UBA6: variants seen among roughly 807,000 people sequenced by gnomAD.
UBA6 encodes the protein ubiquitin like modifier activating enzyme 6, also known as ubiquitin-like modifier-activating enzyme 6.
A neutral mutation model predicts 148.3 loss-of-function variants in UBA6; 87 were observed. The observed-to-expected ratio is 0.59, with a 90% CI of 0.49 to 0.70. The LOEUF (loss-of-function observed/expected upper bound fraction) is 0.70. Among genes scored for constraint, UBA6 ranks in the 30% least tolerant of loss-of-function variants. The probability of loss-of-function intolerance (pLI) is 0.00; values close to 1 mark genes in which losing one functional copy is unlikely to be tolerated. For synonymous variants in UBA6, 376 were observed against 401.0 expected (o/e 0.94, Z 0.75); for missense variants, 1,186 against 1,241.2 (o/e 0.96, Z 0.67).
intron 13 of UBA6, among the ~76,000 whole-genome samples, chr4:67,649,537 T>G (rs558377058): frequency 6.6e-6 from 1 of 152,322 alleles, no homozygotes; most frequent in Admixed American, 6.5e-5. Context: ...CAGACATATT[T>G]ACAAATAAAC....
Position 67,630,254 on chromosome 4 carries a change from A to T in UBA6, c.2328+212T>A, listed in dbSNP as rs534971029. On this transcript the variant is annotated intron_variant, in intron 26 of 32. Transcript: ENST00000322244. The stretch of plus-strand genomic sequence containing the variant: ...ACAAATAATGCTGTTTCACTGCTTC[A>T]ATTCAGAAGGAAAAATCCGACTTCT... Among the ~76,000 whole-genome samples, 10 of 152,266 alleles carry T rather than the reference A, an allele frequency of 6.6e-5. 1 individual carries two copies. The South Asian group carries it at 1.9e-3, about 28-fold the overall frequency.
chr4:67,638,340 AGAAG>A (rs1255125531), intron 19 of UBA6: 2 of 157,042 alleles, frequency 1.3e-5, no homozygotes, highest in African/African-American at 2.4e-5. Context: ...AGGGAAAACG[AGAAG>A]GAAGAACCTA....
chr4:67,668,476 G>C, intron 9 of UBA6, 75 bp downstream of exon 9: 1 of 1,390,178 alleles, frequency 7.2e-7, no homozygotes, highest in South Asian at 1.3e-5. Context: ...TTGACATTCT[G>C]TTCCCAACAC....
intron 28 of UBA6, 44 bp downstream of exon 28, chr4:67,626,316 A>C (rs1180861587): frequency 8.3e-7 from 1 of 1,211,184 alleles, no homozygotes; most frequent in Non-Finnish European, 1.2e-6. Context: ...GTGAAAATAA[A>C]AACTCATCCA....
In UBA6 at chr4:67,618,079, T is replaced by C. The variant is rs1258477390; in HGVS notation, c.*918A>G. Reference sequence around the variant, plus strand: ...CACAAAATTTAATACCCTAATTAGGTTTCTGGAAAAAAAAAAGACTACCCT... The same window carrying C: ...CACAAAATTTAATACCCTAATTAGGCTTCTGGAAAAAAAAAAGACTACCCT... On this transcript the variant is annotated 3_prime_UTR_variant, in exon 33 of 33. Coordinates refer to ENST00000322244, the MANE Select transcript of UBA6 (RefSeq NM_018227.6). The C allele has an allele frequency of 6.8e-6, 1 of 146,014 alleles. No homozygotes were observed. The highest frequency in any genetic ancestry group is 2.5e-5 in the African/African-American group (1 of 40,058). The allele number at this position is 146,014 out of a possible 1,614,324, so 9.0% of individuals were successfully genotyped here. A position where few individuals can be genotyped will look rare whatever the true frequency, so the allele number is the denominator to read the frequency against.
intron 17 of UBA6, among the ~76,000 whole-genome samples, chr4:67,642,540 A>T (rs1220439108): frequency 6.6e-6 from 1 of 152,070 alleles, no homozygotes; most frequent in East Asian, 1.9e-4. Flanking sequence ...AACATCTTTC[A>T]GTAAGAACCA....
intron 14 of UBA6, among the ~76,000 whole-genome samples, chr4:67,647,290 C>G (rs938142000): frequency 1.3e-5 from 2 of 152,068 alleles, no homozygotes; most frequent in African/African-American, 4.8e-5. Flanking sequence ...ACTATAAGTG[C>G]GTGCCACCAT....
chr4:67,656,198 A>G (rs1577814101), intron 13 of UBA6, among the ~76,000 whole-genome samples: 1 of 152,344 alleles, frequency 6.6e-6, no homozygotes, highest in Non-Finnish European at 1.5e-5. Context: ...TGAGGCCAGC[A>G]TCCCCTGATA....
In UBA6 at chr4:67,616,296, T is replaced by C. The variant is rs1463685945; in HGVS notation, c.*2701A>G. ...ATGAATATTCATTATAGTGGAAAGA[T>C]TTAGGTCACGAGATTTTTTTTTTCC... On this transcript the variant is annotated 3_prime_UTR_variant, in exon 33 of 33. Coordinates refer to ENST00000322244, the MANE Select transcript of UBA6 (RefSeq NM_018227.6). 2.6e-6 allele frequency: 1 copy of C among 386,132 alleles called. No individual in the cohort carries two copies. Among genetic ancestry groups the C allele is most frequent in the African/African-American group, 2.1e-5 (1 of 48,298 alleles). 23.9% of individuals were successfully genotyped at this position (386,132 alleles called of 1,614,324 possible).
At position 67,682,111 on chromosome 4, in the gene UBA6, T is replaced by C. The variant is rs887814826; in HGVS notation, c.229+8A>G. 14 of 1,606,520 alleles carry C rather than the reference T, an allele frequency of 8.7e-6. No individual in the cohort carries two copies. The highest frequency in any genetic ancestry group is 1.2e-5 in the Non-Finnish European group (14 of 1,173,410). On this transcript the variant is annotated splice_region_variant and intron_variant, in intron 3 of 32. Transcript: ENST00000322244. The stretch of plus-strand genomic sequence containing the variant: ...GTGTCAAAAATTAGGAATATAAATA[T>C]TGCTTACCAATTTCCAAACCAAGAC...
chr4:67,655,037 A>G (rs1729652218), intron 13 of UBA6, among the ~76,000 whole-genome samples: 1 of 152,226 alleles, frequency 6.6e-6, no homozygotes, highest in African/African-American at 2.4e-5. Context: ...ACCCTGATTC[A>G]TAAAGCAAGT....
At chr4:67,629,023 G>T in intron 27 of UBA6, 48 bp downstream of exon 27, 1 of 1,341,850 alleles carries the variant, frequency 7.5e-7, no homozygotes, top group Non-Finnish European at 1.1e-6. Flanking sequence ...CTTGGTACAA[G>T]TCCAAATTCC....
chr4:67,665,088 T>C, intron 10 of UBA6, 101 bp downstream of exon 10: 1 of 624,166 alleles, frequency 1.6e-6, no homozygotes, highest in Non-Finnish European at 2.7e-6. Context: ...ACAAATTCTG[T>C]TCCACATTTA....
chr4:67,670,406 T>C (rs1274952685), intron 8 of UBA6, 64 bp downstream of exon 8: 2 of 1,440,854 alleles, frequency 1.4e-6, no homozygotes, highest in Admixed American at 1.9e-5. Context: ...ACCACCTTTC[T>C]GAAAACAGCA....
In UBA6 at chr4:67,648,024, C is replaced by T. The variant is rs527284157; in HGVS notation, c.1248+1044G>A. The stretch of plus-strand genomic sequence containing the variant: ...TCCTGACCTCGTGATCTGCCCGCCT[C>T]GGCTGCTCAAAGTGCTAGGATTACA... On this transcript the variant is annotated intron_variant, in intron 14 of 32. Coordinates refer to ENST00000322244, the MANE Select transcript of UBA6 (RefSeq NM_018227.6). Among the ~76,000 whole-genome samples, 4 of 151,406 alleles carry T rather than the reference C, an allele frequency of 2.6e-5. No individual in the cohort carries two copies. In the South Asian group the frequency reaches 6.3e-4, roughly 24 times the overall value.
intron 12 of UBA6, chr4:67,662,516 G>A (rs1321443138): frequency 6.0e-6 from 2 of 335,214 alleles, no homozygotes; most frequent in South Asian, 7.8e-5. Flanking sequence ...CCAGGCTGGA[G>A]TGCAGTGATG....
rs148129152 is a variant in UBA6, at chr4:67,639,062, A to T, written c.1617T>A (p.Asp539Glu). The T allele has an allele frequency of 1.1e-4, 173 of 1,613,604 alleles. No homozygotes were observed. The African/African-American group carries it at 1.9e-3, about 17-fold the overall frequency. Reference protein sequence around the residue: ...TLKINSQIKIDAHLNKVCPTT... With the variant: ...TLKINSQIKIEAHLNKVCPTT... ...TTGGACATACTTTGTTCAGGTGTGC[A>T]TCTATCTTTATTTGAGAATTTATTT... The change falls in exon 19 of 33, where the codon GAT (aspartate) becomes GAA (glutamate). Residue 539 changes from aspartate to glutamate, a missense_variant. Transcript: ENST00000322244.
chr4:67,695,139 G>C (rs1182881404), intron 2 of UBA6, among the ~76,000 whole-genome samples: 1 of 152,132 alleles, frequency 6.6e-6, no homozygotes, highest in Non-Finnish European at 1.5e-5. Context: ...AATAAAATTA[G>C]TCAATACTAT....
intron 8 of UBA6, among the ~76,000 whole-genome samples, chr4:67,669,946 TA>T (rs147425774): frequency 0.15 from 23,030 of 152,080 alleles, 1,806 homozygotes; most frequent in South Asian, 0.22. Flanking sequence ...GTATTATTAT[TA>T]TTTTTCTTTC....
Sources: allele counts gnomAD v4.1 joint callset (sites outside exome capture counted in the v4.1 genomes callset), GRCh38; gene constraint gnomAD v4.1.1; transcripts MANE v1.5; gene names NCBI Gene and HGNC (gene_info 2026-07-23, HGNC 2026-07-21).